Variants in AP3B1 observed in about 807,000 individuals in gnomAD.
AP3B1 encodes the protein AP-3 complex subunit beta-1.
In AP3B1, 61 loss-of-function variants were observed where a neutral mutation model predicts 132.5. The ratio of observed to expected loss-of-function variants is 0.46; its 90% confidence interval spans 0.37 to 0.57. The LOEUF is 0.57. Ranked by LOEUF, AP3B1 falls within the 20% of genes least tolerant of loss-of-function variation. The pLI is 0.00. For missense variants in AP3B1, 1,120 were observed against 1,289.4 expected, an observed-to-expected ratio of 0.87 and a Z score of 2.01; for synonymous variants, 388 against 438.3, an observed-to-expected ratio of 0.89 and a Z score of 1.43.
intron 7 of AP3B1, among the ~76,000 whole-genome samples, chr5:78,200,876 G>T (rs1745262459): frequency 6.6e-6 from 1 of 152,188 alleles, no homozygotes; most frequent in African/African-American, 2.4e-5. Flanking sequence ...AAATTCTTAT[G>T]TTGAAGCCTT....
chr5:78,284,378 G>GGACC (rs1255915947), intron 1 of AP3B1, among the ~76,000 whole-genome samples: 1 of 152,258 alleles, frequency 6.6e-6, no homozygotes, highest in East Asian at 1.9e-4. Flanking sequence ...TATGTAGGTA[G>GGACC]TAATTAATAA....
At chr5:78,229,579 A>AC (rs1046573021) in intron 3 of AP3B1, among the ~76,000 whole-genome samples, 3 of 151,080 alleles carry the variant, frequency 2.0e-5, no homozygotes, top group African/African-American at 7.3e-5. Flanking sequence ...GTAAAACAAA[A>AC]AAAAAAAAAA....
chr5:78,219,636 G>GA (rs1369522703), intron 6 of AP3B1, among the ~76,000 whole-genome samples: 1 of 151,912 alleles, frequency 6.6e-6, no homozygotes, highest in East Asian at 1.9e-4. Context: ...CTATTTTTAG[G>GA]AAAAAACTAT....
intron 7 of AP3B1, among the ~76,000 whole-genome samples, chr5:78,184,680 C>T (rs368549631): frequency 6.0e-4 from 77 of 129,380 alleles, no homozygotes; most frequent in African/African-American, 3.1e-3. Context: ...CAGCGAGACA[C>T]TGTCTCAAAA....
At position 78,084,304 on chromosome 5, in the gene AP3B1, A is replaced by G. The variant is rs564214119; in HGVS notation, c.2577+5089T>C. Among the ~76,000 whole-genome samples the G allele has an allele frequency of 2.0e-5, 3 of 152,166 alleles. No homozygotes were observed. In the South Asian group the frequency reaches 6.2e-4, roughly 32 times the overall value. On this transcript the variant is annotated intron_variant, in intron 22 of 26. Transcript: ENST00000255194. ...GAGACCAGCCTGGGCAACATGGTGA[A>G]ACCCTAGCTCTACCAACAAAAATTA...
intron 9 of AP3B1, among the ~76,000 whole-genome samples, chr5:78,177,078 T>C (rs1362051583): frequency 6.6e-6 from 1 of 152,210 alleles, no homozygotes; most frequent in Admixed American, 6.5e-5. Flanking sequence ...AATACTAGGC[T>C]ACTAGTGACA....
chr5:78,119,784 G>C (rs940004143), intron 17 of AP3B1, among the ~76,000 whole-genome samples: 2 of 152,192 alleles, frequency 1.3e-5, no homozygotes, highest in Admixed American at 1.3e-4. Flanking sequence ...TTATCCAGGA[G>C]AACTTCCCCA....
chr5:78,223,559 T>C (rs1313448848), intron 6 of AP3B1, among the ~76,000 whole-genome samples: 1 of 152,230 alleles, frequency 6.6e-6, no homozygotes, highest in Non-Finnish European at 1.5e-5. Flanking sequence ...ATTTTTTACT[T>C]TCTGGTGTAT....
chr5:78,051,859 C>T (rs552025952), intron 22 of AP3B1, among the ~76,000 whole-genome samples: 18 of 152,176 alleles, frequency 1.2e-4, no homozygotes, highest in Middle Eastern at 6.8e-3. Context: ...AAAATTAGTA[C>T]TTTTAAAACC....
In AP3B1 at chr5:78,294,672, T is replaced by G. The variant is rs1749682328; in HGVS notation, c.-93A>C. 1.3e-6 allele frequency: 2 copies of G among 1,592,042 alleles called. No individual in the cohort carries two copies. Among genetic ancestry groups the G allele is most frequent in the Non-Finnish European group, 1.7e-6 (2 of 1,169,394 alleles). ...GGGCACGGAACAAAACTAGTTCTCG[T>G]ACGGAGGAGCGCGCGCAGGCGCTTC... On this transcript the variant is annotated 5_prime_UTR_variant, in exon 1 of 27. Coordinates refer to ENST00000255194, the MANE Select transcript of AP3B1 (RefSeq NM_003664.5).
At chr5:78,245,885 C>A (rs761062843) in intron 2 of AP3B1, among the ~76,000 whole-genome samples, 4 of 152,182 alleles carry the variant, frequency 2.6e-5, no homozygotes, top group African/African-American at 9.7e-5. Context: ...TTTGAAAAAG[C>A]TGCAGTACCA....
intron 15 of AP3B1, among the ~76,000 whole-genome samples, chr5:78,130,434 T>A (rs1468229792): frequency 6.6e-6 from 1 of 152,080 alleles, no homozygotes; most frequent in Admixed American, 6.6e-5. Context: ...ATTGATTTGA[T>A]AGAAAGCAAC....
chr5:78,042,882 G>C (rs998417943), intron 22 of AP3B1: 2 of 167,840 alleles, frequency 1.2e-5, no homozygotes. Flanking sequence ...ACCTTCTACA[G>C]AGAAGTGCTT....
At chr5:78,018,181 C>A (rs1746932471) in intron 25 of AP3B1, among the ~76,000 whole-genome samples, 1 of 151,920 alleles carries the variant, frequency 6.6e-6, no homozygotes, top group African/African-American at 2.4e-5. Flanking sequence ...AAGCATCTCA[C>A]AGCTAGATCA....
chr5:78,213,414 A>C (rs1387720450), intron 7 of AP3B1, among the ~76,000 whole-genome samples: 1 of 152,208 alleles, frequency 6.6e-6, no homozygotes, highest in Non-Finnish European at 1.5e-5. Flanking sequence ...TCTTAATTTT[A>C]TAAAATATAT....
chr5:78,177,520 C>A (rs1396631375), intron 8 of AP3B1, 84 bp from the exon 9 acceptor site: 1 of 1,000,344 alleles, frequency 1.0e-6, no homozygotes, highest in African/African-American at 1.6e-5. Flanking sequence ...ACATTATTTC[C>A]TCTAAGTCCT....
At position 78,240,900 on chromosome 5, in the gene AP3B1, G is replaced by C; in HGVS notation, c.241C>G (p.Pro81Ala). The C allele has an allele frequency of 6.2e-7, 1 of 1,613,194 alleles. No individual in the cohort carries two copies. The highest frequency in any genetic ancestry group is 8.5e-7 in the Non-Finnish European group (1 of 1,179,472). Residue 81 changes from proline to alanine, a missense_variant, in exon 3 of 27, where the codon CCT becomes GCT. This residue lies in a region of AP3B1 where 129 missense variants were observed against 212.4 expected (regional missense o/e 0.61). Coordinates refer to ENST00000255194, the MANE Select transcript of AP3B1 (RefSeq NM_003664.5). ...AKGKNASELFPAVVKNVASKN... is the reference protein window; with the variant it reads ...AKGKNASELFAAVVKNVASKN... ...CTGGCCACATTCTTCACAACAGCAG[G>C]AAACAGTTCAGATGCATTTTTCCCT...
At chr5:78,072,773 G>A (rs955730711) in intron 22 of AP3B1, among the ~76,000 whole-genome samples, 1 of 125,640 alleles carries the variant, frequency 8.0e-6, no homozygotes, top group Non-Finnish European at 1.6e-5. Flanking sequence ...CCAGGCTGGA[G>A]TGCAATGGTG....
intron 7 of AP3B1, among the ~76,000 whole-genome samples, chr5:78,193,788 G>T: frequency 2.2e-5 from 2 of 90,698 alleles, no homozygotes; most frequent in Non-Finnish European, 4.8e-5. Flanking sequence ...TTTAGACAGA[G>T]TCTCGCTCTG....
Sources: gnomAD v4.1 joint callset for allele counts (sites outside exome capture counted in the v4.1 genomes callset) on GRCh38, gnomAD v4.1.1 for gene constraint, gnomAD v4.1.1 regional missense constraint, MANE v1.5 for transcripts, NCBI Gene and HGNC (gene_info 2026-07-23, HGNC 2026-07-21) for gene names.